The following SLC43A2 variants were observed in gnomAD, a reference collection of about 807,000 sequenced individuals.
SLC43A2 encodes solute carrier family 43 member 2.
In SLC43A2, 38 loss-of-function variants were observed where a neutral mutation model predicts 63.2. The ratio of observed to expected loss-of-function variants is 0.60; its 90% confidence interval spans 0.46 to 0.79. The LOEUF (loss-of-function observed/expected upper bound fraction) is 0.79. Among genes scored for constraint, SLC43A2 ranks in the 30% least tolerant of loss-of-function variants. The pLI, the probability that SLC43A2 is intolerant of heterozygous loss-of-function variation, is 0.00. For synonymous variants in SLC43A2, 322 were observed against 331.0 expected (o/e 0.97, Z 0.30); for missense variants, 644 against 756.2 (o/e 0.85, Z 1.74).
At chr17:1,590,310 C>G (rs1904623147) in intron 9 of SLC43A2, among the ~76,000 whole-genome samples, 1 of 150,958 alleles carries the variant, frequency 6.6e-6, no homozygotes, top group Non-Finnish European at 1.5e-5. Context: ...CCGAGGAAGT[C>G]TCTGCCCTGC....
In SLC43A2 at chr17:1,593,341, G is replaced by T; in HGVS notation, c.502-62C>A. 6.7e-7 allele frequency: 1 copy of T among 1,496,470 alleles called. No individual in the cohort carries two copies. The highest frequency in any genetic ancestry group is 9.2e-7 in the Non-Finnish European group (1 of 1,083,692). The allele number at this position is 1,496,470 out of a possible 1,614,324, so 92.7% of individuals were successfully genotyped here. ...GATGCACCAGGGAAGGGGAGGAGGA[G>T]GGGACAGAGAACTAGGCCCCATGAG... is the stretch of plus-strand genomic sequence containing the variant. On this transcript the variant is annotated intron_variant, in intron 5 of 13. Transcript: ENST00000301335. This position sits in a 1 kb window ranked among gnomAD's most constrained non-coding sequence, Gnocchi z 5.3.
At chr17:1,615,657 C>A (rs371095461) in intron 3 of SLC43A2, among the ~76,000 whole-genome samples, 2 of 129,034 alleles carry the variant, frequency 1.5e-5, no homozygotes, top group African/African-American at 2.5e-5. Context: ...TCCTGGCTAA[C>A]ACAGTGAAAC....
chr17:1,594,590 CTTTT>C (rs59369068), intron 5 of SLC43A2, among the ~76,000 whole-genome samples: 2 of 105,604 alleles, frequency 1.9e-5, no homozygotes, highest in Non-Finnish European at 3.9e-5. Flanking sequence ...TTCTTTCTTT[CTTTT>C]TTTTTTTTTT....
rs577081501 is a variant in SLC43A2 at position 1,592,885 on chromosome 17, C to T, written c.594+302G>A. On this transcript the variant is annotated intron_variant, in intron 6 of 13. Transcript: ENST00000301335. ...GGGGAGCAGCGGGAGACCAGGATGACGGAGGAGACGGGGGCAAGACTCACA... is the reference window on the plus strand; with the variant it reads ...GGGGAGCAGCGGGAGACCAGGATGATGGAGGAGACGGGGGCAAGACTCACA... Among the ~76,000 whole-genome samples, 7 of 152,260 alleles carry T rather than the reference C, an allele frequency of 4.6e-5. No homozygotes were observed. In the South Asian group the frequency reaches 6.2e-4, roughly 14 times the overall value.
rs985089104 is a variant in SLC43A2, at chr17:1,574,989, C to G, written c.*615G>C. ...CGAGGGGTCCACCCAGCCCGCTAAACCCTCTCCAGGGCATAAGCCAGGTGG... is the reference window on the plus strand; with the variant it reads ...CGAGGGGTCCACCCAGCCCGCTAAAGCCTCTCCAGGGCATAAGCCAGGTGG... On this transcript the variant is annotated 3_prime_UTR_variant, in exon 14 of 14. Transcript: ENST00000301335. 1 of 156,460 alleles carries G rather than the reference C, an allele frequency of 6.4e-6. No homozygotes were observed. Among genetic ancestry groups the G allele is most frequent in the Admixed American group, 6.2e-5 (1 of 16,018 alleles). 9.7% of individuals were successfully genotyped at this position (156,460 alleles called of 1,614,324 possible).
At chr17:1,581,972 A>G (rs540618128) in intron 11 of SLC43A2, among the ~76,000 whole-genome samples, 35 of 151,900 alleles carry the variant, frequency 2.3e-4, no homozygotes, top group Non-Finnish European at 4.6e-4. Flanking sequence ...ACGCCCAGCT[A>G]ATTTTTGTAA....
At chr17:1,629,496 G>A (rs1239294597), upstream of SLC43A2, among the ~76,000 whole-genome samples, 1 of 152,224 alleles carries the variant, frequency 6.6e-6, no homozygotes, top group Non-Finnish European at 1.5e-5. Context: ...CTCCCCGGTG[G>A]CGTCTGCCCG....
rs1598454783 is a variant in SLC43A2 at position 1,593,369 on chromosome 17, C to T, written c.502-90G>A. On this transcript the variant is annotated intron_variant, in intron 5 of 13. Coordinates refer to ENST00000301335, the MANE Select transcript of SLC43A2 (RefSeq NM_152346.3). The surrounding 1 kb of genome is among the most constrained non-coding windows in gnomAD (Gnocchi z 5.3). ...GACAGAGAACTAGGCCCCATGAGGCCCCTTCTTCACCTGCGCCCCTTCCTG... is the reference window on the plus strand; with the variant it reads ...GACAGAGAACTAGGCCCCATGAGGCTCCTTCTTCACCTGCGCCCCTTCCTG... 1.8e-6 allele frequency: 2 copies of T among 1,125,428 alleles called. No individual in the cohort carries two copies. Among genetic ancestry groups the T allele is most frequent in the East Asian group, 2.5e-5 (1 of 40,576 alleles). 69.7% of individuals were successfully genotyped at this position (1,125,428 alleles called of 1,614,324 possible). A position where few individuals can be genotyped will look rare whatever the true frequency, so the allele number is the denominator to read the frequency against.
intron 3 of SLC43A2, among the ~76,000 whole-genome samples, chr17:1,615,785 G>C (rs1365449641): frequency 6.7e-6 from 1 of 149,000 alleles, no homozygotes; most frequent in Non-Finnish European, 1.5e-5. Flanking sequence ...GGAGCTCGCA[G>C]TGAGCCGAGA....
rs1287555391 is a variant in SLC43A2, at chr17:1,571,610, G to A, written c.*3994C>T. 6.6e-6 allele frequency: 1 copy of A among 152,376 alleles called. No individual in the cohort carries two copies. Among genetic ancestry groups the A allele is most frequent in the African/African-American group, 2.4e-5 (1 of 41,472 alleles). The allele number at this position is 152,376 out of a possible 1,614,324, so 9.4% of individuals were successfully genotyped here. A position where few individuals can be genotyped will look rare whatever the true frequency, so the allele number is the denominator to read the frequency against. On this transcript the variant is annotated 3_prime_UTR_variant, in exon 14 of 14. Coordinates refer to ENST00000301335, the MANE Select transcript of SLC43A2 (RefSeq NM_152346.3). This position sits in a 1 kb window ranked among gnomAD's most constrained non-coding sequence, Gnocchi z 5.2. ...CGCCATTTTCAGCCCTGGGGCCTAT[G>A]GCAAAGTGACGCCCCCCTCGGAGTG...
rs5818806 is a variant in SLC43A2, at chr17:1,572,260, GC to G, written c.*3343del. ...GGGCTGTGACCCCCCTGCCACAGAG[GC>G]CCCCCCCCCGCCACAGAGGTCCCCC... On this transcript the variant is annotated 3_prime_UTR_variant, in exon 14 of 14. Transcript: ENST00000301335. The G allele has an allele frequency of 0.44, 46,719 of 107,334 alleles. 11,151 individuals are homozygous for G. The highest frequency in any genetic ancestry group is 0.56 in the African/African-American group (14,371 of 25,754). The allele number at this position is 107,334 out of a possible 1,614,324, so 6.6% of individuals were successfully genotyped here.
At chr17:1,600,480 G>A (rs986207286) in intron 5 of SLC43A2, among the ~76,000 whole-genome samples, 1 of 149,130 alleles carries the variant, frequency 6.7e-6, no homozygotes, top group Admixed American at 6.7e-5. Flanking sequence ...TTTCAAAGTA[G>A]GTCTGTGCTC....
chr17:1,574,185 C>G lies in SLC43A2; in HGVS notation c.*1419G>C, dbSNP rs1436973204. 6.6e-6 allele frequency: 1 copy of G among 152,422 alleles called. No individual in the cohort carries two copies. Among genetic ancestry groups the G allele is most frequent in the Non-Finnish European group, 1.5e-5 (1 of 68,184 alleles). 9.4% of individuals were successfully genotyped at this position (152,422 alleles called of 1,614,324 possible). A position where few individuals can be genotyped will look rare whatever the true frequency, so the allele number is the denominator to read the frequency against. ...CGGTAGAGGAGGGTGGCTCACACTT[C>G]TAAGATGTCTGCACAAGCCCAGTTT... On this transcript the variant is annotated 3_prime_UTR_variant, in exon 14 of 14. Coordinates refer to ENST00000301335, the MANE Select transcript of SLC43A2 (RefSeq NM_152346.3).
chr17:1,596,708 C>T lies in SLC43A2; in HGVS notation c.502-3429G>A, dbSNP rs997901454. ...CATTCTCCCACCTCAGCCTCCCGAG[C>T]GGCACCTCCCATTGCAGGTATGTGC... On this transcript the variant is annotated intron_variant, in intron 5 of 13. Coordinates refer to ENST00000301335, the MANE Select transcript of SLC43A2 (RefSeq NM_152346.3). 7.2e-5 allele frequency among the ~76,000 whole-genome samples: 11 copies of T among 152,116 alleles called. No individual in the cohort carries two copies. The East Asian group carries it at 9.7e-4, about 13-fold the overall frequency.
intron 5 of SLC43A2, among the ~76,000 whole-genome samples, chr17:1,603,382 T>G (rs1906261905): frequency 1.3e-5 from 2 of 152,124 alleles, no homozygotes; most frequent in Admixed American, 6.5e-5. Flanking sequence ...CTGGTCAAGG[T>G]CATCCTTCAT....
chr17:1,590,699 TG>T, intron 9 of SLC43A2, 102 bp downstream of exon 9: 1 of 1,442,366 alleles, frequency 6.9e-7, no homozygotes, highest in Non-Finnish European at 9.3e-7. Context: ...GGCCTTTCCA[TG>T]GCCCGGCTGG....
At chr17:1,613,694 C>T (rs117213470) in intron 4 of SLC43A2, among the ~76,000 whole-genome samples, 1,668 of 152,334 alleles carry the variant, frequency 0.011, 14 homozygotes, top group Non-Finnish European at 0.015. Flanking sequence ...ATCTCAGCCT[C>T]CCAAAGCGCT....
At chr17:1,622,249 A>G (rs2151081239) in intron 2 of SLC43A2, among the ~76,000 whole-genome samples, 1 of 152,380 alleles carries the variant, frequency 6.6e-6, no homozygotes, top group Non-Finnish European at 1.5e-5. Flanking sequence ...TTATAGCAAT[A>G]AAAGTGAAAG....
In SLC43A2 at chr17:1,577,393, C is replaced by T. The variant is rs193065319; in HGVS notation, c.1425-673G>A. The stretch of plus-strand genomic sequence containing the variant: ...CGTCCAGAGAAGCATTGAGTAATCG[C>T]GGAAACTCAGCACCACAGATCCCGC... On this transcript the variant is annotated intron_variant, in intron 12 of 13. Transcript: ENST00000301335. This position sits in a 1 kb window ranked among gnomAD's most constrained non-coding sequence, Gnocchi z 4.9. 3.2e-3 allele frequency among the ~76,000 whole-genome samples: 480 copies of T among 152,294 alleles called. 2 individuals are homozygous for T. Among genetic ancestry groups the T allele is most frequent in the Middle Eastern group, 0.017 (5 of 294 alleles).
Sources: gnomAD v4.1 joint callset for allele counts (sites outside exome capture counted in the v4.1 genomes callset) on GRCh38, gnomAD v4.1.1 for gene constraint, Gnocchi (gnomAD v3.1) non-coding constraint, MANE v1.5 for transcripts, NCBI Gene and HGNC (gene_info 2026-07-23, HGNC 2026-07-21) for gene names.